MALRD1: variants seen among roughly 807,000 people sequenced by gnomAD.
MALRD1 encodes the protein MAM and LDL-receptor class A domain-containing protein 1.
Under a neutral mutation model 242.1 loss-of-function variants are expected in MALRD1, and 247 were observed. The ratio of observed to expected loss-of-function variants is 1.02; its 90% CI spans 0.92 to 1.13. The LOEUF is 1.13. Among genes scored for constraint, MALRD1 ranks in the 50% most tolerant of loss-of-function variants. MALRD1 has a pLI of 0.00. For synonymous variants in MALRD1, 995 were observed against 866.6 expected (o/e 1.15, Z -2.60); for missense variants, 2,989 against 2,533.1 (o/e 1.18, Z -3.86).
chr10:19,565,449 C>A (rs1018795814), intron 32 of MALRD1, among the ~76,000 whole-genome samples: 17 of 152,098 alleles, frequency 1.1e-4, no homozygotes, highest in African/African-American at 3.6e-4. Context: ...GAAGAAATTA[C>A]AAAATAAATA....
intron 36 of MALRD1, among the ~76,000 whole-genome samples, chr10:19,656,699 A>T (rs1841167604): frequency 6.6e-6 from 1 of 152,100 alleles, no homozygotes; most frequent in Admixed American, 6.6e-5. Flanking sequence ...AACATTTCTC[A>T]GCTGTATACC....
Position 19,734,249 on chromosome 10 carries a change from C to A in MALRD1, c.*12C>A. 1 of 1,529,410 alleles carries A rather than the reference C, an allele frequency of 6.5e-7. No homozygotes were observed. The allele number at this position is 1,529,410 out of a possible 1,614,324, so 94.7% of individuals were successfully genotyped here. On this transcript the variant is annotated 3_prime_UTR_variant, in exon 40 of 40. Coordinates refer to ENST00000454679, the MANE Select transcript of MALRD1 (RefSeq NM_001142308.3). ...ATCATCTCAAATAGCAGCATCGAGACCAAGTCTGATCCAACATGTGTAGTT... is the reference window on the plus strand; with the variant it reads ...ATCATCTCAAATAGCAGCATCGAGAACAAGTCTGATCCAACATGTGTAGTT...
chr10:19,648,858 C>T (rs752642643), intron 36 of MALRD1, among the ~76,000 whole-genome samples: 1 of 152,042 alleles, frequency 6.6e-6, no homozygotes, highest in African/African-American at 2.4e-5. Context: ...AAGACCAGTA[C>T]CCAATAGTTA....
intron 38 of MALRD1, among the ~76,000 whole-genome samples, chr10:19,726,851 G>A (rs541246961): frequency 3.9e-5 from 6 of 152,238 alleles, no homozygotes; most frequent in East Asian, 3.9e-4. Context: ...AAACACAAAA[G>A]GACAAATACT....
At chr10:19,687,964 T>TTA (rs762843620) in intron 36 of MALRD1, among the ~76,000 whole-genome samples, 69 of 148,630 alleles carry the variant, frequency 4.6e-4, no homozygotes, top group Non-Finnish European at 8.5e-4. Context: ...TTATGTTATG[T>TTA]TATGTTATGT....
At chr10:19,651,288 T>G (rs538719059) in intron 36 of MALRD1, among the ~76,000 whole-genome samples, 45 of 152,310 alleles carry the variant, frequency 3.0e-4, no homozygotes, top group African/African-American at 1.0e-3. Context: ...TGTTGGGATG[T>G]GCTATGGTGA....
chr10:19,237,740 A>G (rs1456281372), intron 18 of MALRD1, among the ~76,000 whole-genome samples: 1 of 115,504 alleles, frequency 8.7e-6, no homozygotes, highest in Admixed American at 1.0e-4. Flanking sequence ...AATTATATAT[A>G]ATTTATATAT....
chr10:19,246,796 G>T (rs1421477515), intron 18 of MALRD1, among the ~76,000 whole-genome samples: 1 of 152,054 alleles, frequency 6.6e-6, no homozygotes, highest in East Asian at 1.9e-4. Context: ...TGTCAGAATT[G>T]AATACTTAAT....
intron 33 of MALRD1, among the ~76,000 whole-genome samples, chr10:19,592,508 G>C (rs554329496): frequency 6.6e-6 from 1 of 152,180 alleles, no homozygotes; most frequent in Non-Finnish European, 1.5e-5. Flanking sequence ...CCCAGGAGCT[G>C]GGGGAATGAA....
At chr10:19,227,571 T>C (rs543369886) in intron 18 of MALRD1, among the ~76,000 whole-genome samples, 57 of 152,076 alleles carry the variant, frequency 3.7e-4, no homozygotes, top group African/African-American at 1.3e-3. Context: ...ATTTTTTAGA[T>C]AAGAAAAGGA....
chr10:19,052,088 G>T, intron 1 of MALRD1: 1 of 442,790 alleles, frequency 2.3e-6, no homozygotes, highest in South Asian at 1.8e-5. Context: ...CAAGAGCCAT[G>T]TCAGGGCTAG....
chr10:19,492,342 C>G (rs1837529362), intron 30 of MALRD1, among the ~76,000 whole-genome samples: 1 of 152,044 alleles, frequency 6.6e-6, no homozygotes, highest in African/African-American at 2.4e-5. Context: ...CATTTGCTGC[C>G]TAACAAGCTA....
intron 26 of MALRD1, among the ~76,000 whole-genome samples, chr10:19,386,692 A>G (rs1846090102): frequency 7.0e-6 from 1 of 141,946 alleles, no homozygotes; most frequent in South Asian, 2.2e-4. Flanking sequence ...TGAGATAGAT[A>G]TATATACACA....
chr10:19,421,479 AGTAT>A (rs1833717527), intron 28 of MALRD1, among the ~76,000 whole-genome samples: 1 of 152,200 alleles, frequency 6.6e-6, no homozygotes, highest in East Asian at 1.9e-4. Flanking sequence ...CAGTGAAGTA[AGTAT>A]GAGGCATTAC....
At chr10:19,562,376 A>C (rs1407259426) in intron 32 of MALRD1, among the ~76,000 whole-genome samples, 1 of 151,530 alleles carries the variant, frequency 6.6e-6, no homozygotes, top group Non-Finnish European at 1.5e-5. Flanking sequence ...TAGATAGAGA[A>C]CTTGATGAGA....
At chr10:19,623,705 G>A (rs926733033) in intron 36 of MALRD1, among the ~76,000 whole-genome samples, 1 of 152,078 alleles carries the variant, frequency 6.6e-6, no homozygotes, top group Non-Finnish European at 1.5e-5. Context: ...ATCTCAAGAA[G>A]GAACCACTTC....
chr10:19,450,790 T>C (rs1835280161), intron 29 of MALRD1, among the ~76,000 whole-genome samples: 1 of 152,166 alleles, frequency 6.6e-6, no homozygotes, highest in Non-Finnish European at 1.5e-5. Context: ...AGATTTGGTA[T>C]CTGGTGAAGG....
intron 36 of MALRD1, among the ~76,000 whole-genome samples, chr10:19,675,688 A>G (rs182861756): frequency 8.5e-5 from 13 of 152,364 alleles, no homozygotes; most frequent in Admixed American, 5.9e-4. Flanking sequence ...TGTTAACCGT[A>G]ACATGTTGTC....
At chr10:19,413,480 T>C (rs913485076) in intron 28 of MALRD1, among the ~76,000 whole-genome samples, 5 of 152,266 alleles carry the variant, frequency 3.3e-5, no homozygotes, top group African/African-American at 9.6e-5. Flanking sequence ...TTATTTACAA[T>C]TTTTGATTTA....
Sources: allele counts gnomAD v4.1 joint callset (sites outside exome capture counted in the v4.1 genomes callset), GRCh38; gene constraint gnomAD v4.1.1; transcripts MANE v1.5; gene names NCBI Gene and HGNC (gene_info 2026-07-23, HGNC 2026-07-21).